The following NBL1 variants were observed in gnomAD, a reference collection of about 807,000 sequenced individuals.
NBL1 encodes the protein neuroblastoma suppressor of tumorigenicity 1.
In NBL1, 9 loss-of-function variants were observed where a neutral mutation model predicts 16.0. The ratio of observed to expected loss-of-function variants is 0.56; its 90% CI spans 0.34 to 0.98. NBL1 has a LOEUF of 0.98. NBL1 is among the 50% of genes least tolerant of loss of function. The probability of loss-of-function intolerance (pLI) is 0.02; values close to 1 mark genes in which losing one functional copy is unlikely to be tolerated. For synonymous variants in NBL1, 86 were observed against 100.7 expected (o/e 0.85, Z 0.87); for missense variants, 196 against 243.1 (o/e 0.81, Z 1.29).
At chr1:19,656,096 G>C (rs368289091) in intron 3 of NBL1, among the ~76,000 whole-genome samples, 1 of 152,052 alleles carries the variant, frequency 6.6e-6, no homozygotes, top group African/African-American at 2.4e-5. Context: ...ACCTGCATCC[G>C]GGTGATTTTG....
Position 19,657,221 on chromosome 1 carries a change from T to G in NBL1, c.*92T>G. The G allele has an allele frequency of 1.6e-6, 1 of 619,072 alleles. No individual in the cohort carries two copies. The allele number at this position is 619,072 out of a possible 1,614,324, so 38.3% of individuals were successfully genotyped here. A position where few individuals can be genotyped will look rare whatever the true frequency, so the allele number is the denominator to read the frequency against. ...TCAGGGGAGAAGCTGAAGCCCCCCT[T>G]TGGCACTGGATGGACTTGGCTTCAG... On this transcript the variant is annotated 3_prime_UTR_variant, in exon 4 of 4. Transcript: ENST00000375136.
In NBL1 at chr1:19,657,170, A is replaced by G. The variant is rs138060702; in HGVS notation, c.*41A>G. ...TCCTCCCCTCTCATCCCCCTGTGGA[A>G]TGTTGGGTCTCACTCTCTGGGGAAG... On this transcript the variant is annotated 3_prime_UTR_variant, in exon 4 of 4. Transcript: ENST00000375136. 38 of 909,590 alleles carry G rather than the reference A, an allele frequency of 4.2e-5. No individual in the cohort carries two copies. Among genetic ancestry groups the G allele is most frequent in the Middle Eastern group, 3.5e-4 (1 of 2,864 alleles). 56.3% of individuals were successfully genotyped at this position (909,590 alleles called of 1,614,324 possible). A position where few individuals can be genotyped will look rare whatever the true frequency, so the allele number is the denominator to read the frequency against.
At chr1:19,648,521 G>A (rs934234284) in intron 1 of NBL1, among the ~76,000 whole-genome samples, 1 of 152,230 alleles carries the variant, frequency 6.6e-6, no homozygotes, top group African/African-American at 2.4e-5. Context: ...GCCTTCCTGG[G>A]GGACCCTCTG....
chr1:19,645,385 G>A (rs1302828430), intron 1 of NBL1: 2 of 986,234 alleles, frequency 2.0e-6, no homozygotes, highest in African/African-American at 1.7e-5. Flanking sequence ...TACAAGCGGC[G>A]GCAAAGGGGG....
At chr1:19,655,601 C>T (rs2095051873) in intron 3 of NBL1, among the ~76,000 whole-genome samples, 166 bp downstream of exon 3, 2 of 152,236 alleles carry the variant, frequency 1.3e-5, no homozygotes, top group Admixed American at 6.5e-5. Flanking sequence ...GTGGGCCTCC[C>T]CACAGGATGG....
intron 1 of NBL1, among the ~76,000 whole-genome samples, chr1:19,649,905 C>T (rs1191854044): frequency 6.6e-6 from 1 of 152,158 alleles, no homozygotes; most frequent in Non-Finnish European, 1.5e-5. Context: ...AAGCAATTCT[C>T]TCACCTTGGC....
chr1:19,649,494 G>A (rs1284962691), intron 1 of NBL1, among the ~76,000 whole-genome samples: 2 of 151,968 alleles, frequency 1.3e-5, no homozygotes, highest in African/African-American at 4.8e-5. Context: ...GAGTAGCTGG[G>A]ACTACAGGCA....
intron 1 of NBL1, among the ~76,000 whole-genome samples, chr1:19,648,572 T>C (rs2094999804): frequency 1.3e-5 from 2 of 152,172 alleles, no homozygotes; most frequent in Admixed American, 6.5e-5. Context: ...AGGGCTGCTG[T>C]GTTTGTTCCC....
chr1:19,648,893 AG>A (rs1445651110), intron 1 of NBL1, among the ~76,000 whole-genome samples: 2 of 152,244 alleles, frequency 1.3e-5, no homozygotes, highest in East Asian at 3.9e-4. Context: ...TCCAAGAGCC[AG>A]GGTCAGCCAT....
upstream of NBL1, chr1:19,644,166 T>A (rs985073126): frequency 6.5e-5 from 64 of 979,526 alleles, no homozygotes; most frequent in Non-Finnish European, 7.6e-5. The surrounding 1 kb of genome is among the most constrained non-coding windows in gnomAD (Gnocchi z 4.6). Flanking sequence ...CGCCCCCTCC[T>A]GCGCACCCGG....
upstream of NBL1, chr1:19,644,121 G>T: frequency 1.0e-6 from 1 of 975,488 alleles, no homozygotes; most frequent in Non-Finnish European, 1.2e-6. This position sits in a 1 kb window ranked among gnomAD's most constrained non-coding sequence, Gnocchi z 4.6. Flanking sequence ...GGGGCGGGCG[G>T]GCCAGGAGAG....
In NBL1 at chr1:19,656,989, G is replaced by A. The variant is rs201653889; in HGVS notation, c.406G>A (p.Val136Met). 2.5e-6 allele frequency: 4 copies of A among 1,604,944 alleles called. No individual in the cohort carries two copies. The highest frequency in any genetic ancestry group is 2.7e-5 in the African/African-American group (2 of 74,888). Residue 136 changes from valine (V) to methionine (M), a missense_variant, in exon 4 of 4, where the codon GTG becomes ATG. Transcript: ENST00000375136. ...TAGTCACGAGGGGCTGAGCGTCTAT[G>A]TGCAGGGCGAGGACGGGCCGGGATC... ...EPSHEGLSVYVQGEDGPGSQP... is the reference protein window; with the variant it reads ...EPSHEGLSVYMQGEDGPGSQP...
At chr1:19,654,868 A>C (rs1390495320) in intron 1 of NBL1, 144 bp from the exon 2 acceptor site, 1 of 1,066,826 alleles carries the variant, frequency 9.4e-7, no homozygotes, top group African/African-American at 1.6e-5. Context: ...GGGGAGAAAT[A>C]ACTTGTCCAA....
chr1:19,644,040 C>G (rs1222636964), upstream of NBL1: 1 of 981,992 alleles, frequency 1.0e-6, no homozygotes, highest in Non-Finnish European at 1.2e-6. The surrounding 1 kb of genome is among the most constrained non-coding windows in gnomAD (Gnocchi z 4.6). Flanking sequence ...CTGGGCTGCC[C>G]TGCCTCTCGG....
chr1:19,644,169 G>A (rs1340397139), upstream of NBL1: 3 of 979,706 alleles, frequency 3.1e-6, no homozygotes, highest in African/African-American at 5.3e-5. The surrounding 1 kb of genome is among the most constrained non-coding windows in gnomAD (Gnocchi z 4.6). Flanking sequence ...CCCCTCCTGC[G>A]CACCCGGAGG....
At chr1:19,651,236 C>T (rs1269683135) in intron 1 of NBL1, among the ~76,000 whole-genome samples, 2 of 152,148 alleles carry the variant, frequency 1.3e-5, no homozygotes, top group South Asian at 4.1e-4. Flanking sequence ...AGGGGGAGCC[C>T]GGGGAAAATG....
intron 1 of NBL1, chr1:19,647,799 C>T (rs1035847740): frequency 4.9e-6 from 2 of 410,138 alleles, no homozygotes; most frequent in African/African-American, 4.3e-5. Flanking sequence ...CAGCCCTGCC[C>T]TCCACGGCTC....
rs1357232864 is a variant in NBL1, at chr1:19,644,433, G to C, written c.-33G>C. The C allele has an allele frequency of 1.3e-5, 13 of 978,968 alleles. No homozygotes were observed. Among genetic ancestry groups the C allele is most frequent in the Non-Finnish European group, 1.6e-5 (13 of 827,498 alleles). The allele number at this position is 978,968 out of a possible 1,614,324, so 60.6% of individuals were successfully genotyped here. A position where few individuals can be genotyped will look rare whatever the true frequency, so the allele number is the denominator to read the frequency against. Reference sequence around the variant, plus strand: ...CCCCCGCACCCAGCTCCGCAGGACCGGCGGGCGCGCGCGGTAAGTCCCGCC... The same window carrying C: ...CCCCCGCACCCAGCTCCGCAGGACCCGCGGGCGCGCGCGGTAAGTCCCGCC... On this transcript the variant is annotated 5_prime_UTR_variant, in exon 1 of 4. Coordinates refer to ENST00000375136, the MANE Select transcript of NBL1 (RefSeq NM_005380.8). The surrounding 1 kb of genome is among the most constrained non-coding windows in gnomAD (Gnocchi z 4.6).
At chr1:19,644,226 C>G (rs1380073357), upstream of NBL1, 1 of 977,028 alleles carries the variant, frequency 1.0e-6, no homozygotes, top group Non-Finnish European at 1.2e-6. This position sits in a 1 kb window ranked among gnomAD's most constrained non-coding sequence, Gnocchi z 4.6. Context: ...CGGCCCTCCC[C>G]GCTGCCCCCG....
Sources: allele counts gnomAD v4.1 joint callset (sites outside exome capture counted in the v4.1 genomes callset), GRCh38; gene constraint gnomAD v4.1.1; non-coding constraint Gnocchi (gnomAD v3.1); transcripts MANE v1.5; gene names NCBI Gene and HGNC (gene_info 2026-07-23, HGNC 2026-07-21).